Variants in PROKR2 observed in about 807,000 individuals in gnomAD.
PROKR2 encodes prokineticin receptor 2.
A neutral mutation model predicts 23.4 loss-of-function variants in PROKR2; 26 were observed. The ratio of observed to expected loss-of-function variants is 1.11; its 90% CI spans 0.81 to 1.54. The LOEUF (loss-of-function observed/expected upper bound fraction) is 1.54. Among genes scored for constraint, PROKR2 ranks in the 40% most tolerant of loss-of-function variants. The pLI is 0.00. For missense variants in PROKR2, 453 were observed against 511.5 expected, an observed-to-expected ratio of 0.89 and a Z score of 1.10; for synonymous variants, 212 against 201.2, an observed-to-expected ratio of 1.05 and a Z score of -0.45.
intron 2 of PROKR2, among the ~76,000 whole-genome samples, chr20:5,313,589 G>A (rs937733119): frequency 6.6e-6 from 1 of 152,256 alleles, no homozygotes; most frequent in Non-Finnish European, 1.5e-5. Flanking sequence ...AGCTGCCCTA[G>A]TTAACTCTCA....
chr20:5,302,033 C>T lies in PROKR2; in HGVS notation c.*7G>A. On this transcript the variant is annotated 3_prime_UTR_variant, in exon 3 of 3. Transcript: ENST00000678254. ...ACTGGGGTTTTCAATTGTGTGACAC[C>T]AGTGGGTCACTTCAGCCTGATACAG... is the stretch of plus-strand genomic sequence containing the variant. 6.2e-7 allele frequency: 1 copy of T among 1,612,654 alleles called. No individual in the cohort carries two copies. Among genetic ancestry groups the T allele is most frequent in the Non-Finnish European group, 8.5e-7 (1 of 1,178,920 alleles).
At position 5,316,666 on chromosome 20, in the gene PROKR2, C is replaced by T. The variant is rs1979692562; in HGVS notation, c.-181G>A. ...CTTTTTTCCTCGCCCCGGCGGGCTC[C>T]TCCGGCGTGTCAGGGTCTCTGGGTT... is the stretch of plus-strand genomic sequence containing the variant. On this transcript the variant is annotated 5_prime_UTR_variant, in exon 1 of 3. Transcript: ENST00000678254. The surrounding 1 kb of genome is among the most constrained non-coding windows in gnomAD (Gnocchi z 5.0). Among the ~76,000 whole-genome samples, 1 of 152,234 alleles carries T rather than the reference C, an allele frequency of 6.6e-6. No individual in the cohort carries two copies. The highest frequency in any genetic ancestry group is 2.1e-4 in the South Asian group (1 of 4,834).
chr20:5,309,031 C>T (rs1303475662), intron 2 of PROKR2, among the ~76,000 whole-genome samples: 3 of 152,136 alleles, frequency 2.0e-5, no homozygotes, highest in Non-Finnish European at 4.4e-5. Context: ...TATTAATATG[C>T]ACAGTGGTTG....
rs1979663849 is a variant in PROKR2, at chr20:5,316,151, C to T, written c.-9+343G>A. The T allele has an allele frequency of 2.2e-6, 1 of 456,720 alleles. No individual in the cohort carries two copies. Among genetic ancestry groups the T allele is most frequent in the Non-Finnish European group, 4.4e-6 (1 of 226,956 alleles). 28.3% of individuals were successfully genotyped at this position (456,720 alleles called of 1,614,324 possible). ...GTGCGCGGGAATTTCCCCACGGACG[C>T]TTGCTGTTTCCTGCTCACCTTTCAG... On this transcript the variant is annotated intron_variant, in intron 1 of 2. Coordinates refer to ENST00000678254, the MANE Select transcript of PROKR2 (RefSeq NM_144773.4). This position sits in a 1 kb window ranked among gnomAD's most constrained non-coding sequence, Gnocchi z 5.0.
Position 5,316,827 on chromosome 20 carries a change from C to T in PROKR2, c.-342G>A, listed in dbSNP as rs965889897. ...GCCAAGGGTGGATGCCCAGCTCCCCCACCCCACCGCGTGCTCTCGGGCTGG... is the reference window on the plus strand; with the variant it reads ...GCCAAGGGTGGATGCCCAGCTCCCCTACCCCACCGCGTGCTCTCGGGCTGG... On this transcript the variant is annotated 5_prime_UTR_variant, in exon 1 of 3. Transcript: ENST00000678254. This position sits in a 1 kb window ranked among gnomAD's most constrained non-coding sequence, Gnocchi z 5.0. 6.6e-6 allele frequency among the ~76,000 whole-genome samples: 1 copy of T among 152,246 alleles called. No homozygotes were observed. Among genetic ancestry groups the T allele is most frequent in the Non-Finnish European group, 1.5e-5 (1 of 68,044 alleles).
Position 5,316,446 on chromosome 20 carries a change from C to A in PROKR2, c.-9+48G>T. ...CAGAGGCCCTTGTCCTAGCGACTCC[C>A]CCACCGCACCGACTGAGTCCCGGGA... On this transcript the variant is annotated intron_variant, in intron 1 of 2. Transcript: ENST00000678254. The surrounding 1 kb of genome is among the most constrained non-coding windows in gnomAD (Gnocchi z 5.0). 1 of 449,562 alleles carries A rather than the reference C, an allele frequency of 2.2e-6. No homozygotes were observed. Among genetic ancestry groups the A allele is most frequent in the Non-Finnish European group, 4.5e-6 (1 of 223,244 alleles). 27.8% of individuals were successfully genotyped at this position (449,562 alleles called of 1,614,324 possible). A position where few individuals can be genotyped will look rare whatever the true frequency, so the allele number is the denominator to read the frequency against.
chr20:5,311,155 G>A (rs1287265561), intron 2 of PROKR2, among the ~76,000 whole-genome samples: 4 of 152,160 alleles, frequency 2.6e-5, no homozygotes, highest in African/African-American at 4.8e-5. Flanking sequence ...AGGAGCCCCC[G>A]GGGAGTGAAA....
In PROKR2 at chr20:5,316,503, C is replaced by A. The variant is rs370267893; in HGVS notation, c.-18G>T. ...GGATCTAAGCCCTTACCTGTCTCGGCGCCTCCTTTCTGTGCGCTCTGCTGC... is the reference window on the plus strand; with the variant it reads ...GGATCTAAGCCCTTACCTGTCTCGGAGCCTCCTTTCTGTGCGCTCTGCTGC... On this transcript the variant is annotated 5_prime_UTR_variant, in exon 1 of 3. Coordinates refer to ENST00000678254, the MANE Select transcript of PROKR2 (RefSeq NM_144773.4). The surrounding 1 kb of genome is among the most constrained non-coding windows in gnomAD (Gnocchi z 5.0). 23 of 374,592 alleles carry A rather than the reference C, an allele frequency of 6.1e-5. No individual in the cohort carries two copies. The highest frequency in any genetic ancestry group is 4.4e-4 in the African/African-American group (21 of 47,592). 23.2% of individuals were successfully genotyped at this position (374,592 alleles called of 1,614,324 possible).
chr20:5,313,020 C>T (rs150044834), intron 2 of PROKR2, among the ~76,000 whole-genome samples: 63 of 152,072 alleles, frequency 4.1e-4, no homozygotes, highest in African/African-American at 1.4e-3. Context: ...TGAATGTTTC[C>T]AACACAAAGA....
At chr20:5,315,343 G>A (rs1182018254) in intron 1 of PROKR2, among the ~76,000 whole-genome samples, 1 of 152,142 alleles carries the variant, frequency 6.6e-6, no homozygotes, top group African/African-American at 2.4e-5. Flanking sequence ...TGCCTGAAAG[G>A]CACCATGTCC....
Position 5,314,360 on chromosome 20 carries a change from G to A in PROKR2, c.10C>T (p.Gln4Ter). The A allele has an allele frequency of 3.7e-6, 6 of 1,613,940 alleles. No individual in the cohort carries two copies. Among genetic ancestry groups the A allele is most frequent in the Non-Finnish European group, 2.5e-6 (3 of 1,180,026 alleles). ...GGTGTGAAACTGGTGTTTCCATTCT[G>A]GGCTGCCATGGTGATGTCTGCAAGA... The part of the protein sequence containing the change: MAA[Q>*]NGNTSFTPNF... The change falls in exon 2 of 3, where the codon CAG becomes TAG. Residue 4 changes from glutamine (Q) to a stop codon, truncating the protein, a stop_gained. Transcript: ENST00000678254. LOFTEE classifies it high-confidence loss of function.
In PROKR2 at chr20:5,302,565, C is replaced by T; in HGVS notation, c.630G>A (p.Gln210=). Reference sequence around the variant, plus strand: ...AGAGCTGCTGATCCACAGGCCAGATCTGGCCACAGAAGATCTTCTCCTGGC... The same window carrying T: ...AGAGCTGCTGATCCACAGGCCAGATTTGGCCACAGAAGATCTTCTCCTGGC... ...VKSQEKIFCG[Q]IWPVDQQLYY... is the part of the protein sequence containing the mutation. Residue 210 remains glutamine (Q), a synonymous_variant, in exon 3 of 3, where the codon CAG becomes CAA. Transcript: ENST00000678254. The T allele has an allele frequency of 3.7e-6, 6 of 1,614,222 alleles. No individual in the cohort carries two copies. Among genetic ancestry groups the T allele is most frequent in the Non-Finnish European group, 5.1e-6 (6 of 1,180,036 alleles).
At chr20:5,312,045 C>A (rs1304931943) in intron 2 of PROKR2, among the ~76,000 whole-genome samples, 3 of 152,180 alleles carry the variant, frequency 2.0e-5, no homozygotes, top group Non-Finnish European at 4.4e-5. Flanking sequence ...GATAAAAATG[C>A]AGATTCCTGG....
At chr20:5,315,124 A>G (rs6053299) in intron 1 of PROKR2, among the ~76,000 whole-genome samples, 79,729 of 150,410 alleles carry the variant, frequency 0.53, 21,726 homozygotes, top group African/African-American at 0.68. Flanking sequence ...AGTGGGGGCT[A>G]GACAGACATC....
At chr20:5,311,575 A>T (rs116831301) in intron 2 of PROKR2, among the ~76,000 whole-genome samples, 1,953 of 152,328 alleles carry the variant, frequency 0.013, 47 homozygotes, top group African/African-American at 0.044. Context: ...ATTGATTGTC[A>T]ACTTGATTGG....
Position 5,313,899 on chromosome 20 carries a change from C to T in PROKR2, c.458+13G>A. The T allele has an allele frequency of 6.2e-7, 1 of 1,611,406 alleles. No individual in the cohort carries two copies. Among genetic ancestry groups the T allele is most frequent in the South Asian group, 1.1e-5 (1 of 90,918 alleles). ...GGCCCAGCCCCACCACTCACCCCAC[C>T]CACCATCCTCACCTGTCAATGGCAA... On this transcript the variant is annotated intron_variant, in intron 2 of 2. Coordinates refer to ENST00000678254, the MANE Select transcript of PROKR2 (RefSeq NM_144773.4).
Position 5,302,031 on chromosome 20 carries a change from A to G in PROKR2, c.*9T>C. 1.2e-6 allele frequency: 2 copies of G among 1,612,250 alleles called. No homozygotes were observed. Among genetic ancestry groups the G allele is most frequent in the Non-Finnish European group, 1.7e-6 (2 of 1,178,530 alleles). On this transcript the variant is annotated 3_prime_UTR_variant, in exon 3 of 3. Transcript: ENST00000678254. ...GGACTGGGGTTTTCAATTGTGTGAC[A>G]CCAGTGGGTCACTTCAGCCTGATAC...
intron 2 of PROKR2, among the ~76,000 whole-genome samples, chr20:5,311,969 T>G (rs547601515): frequency 7.2e-5 from 11 of 152,300 alleles, no homozygotes; most frequent in African/African-American, 2.6e-4. Context: ...ATTAGTTCTG[T>G]CCCTCTAGAG....
In PROKR2 at chr20:5,305,931, G is replaced by A. The variant is rs573699876; in HGVS notation, c.459-3195C>T. 1.1e-4 allele frequency among the ~76,000 whole-genome samples: 17 copies of A among 152,242 alleles called. No homozygotes were observed. In the East Asian group the frequency reaches 2.5e-3, roughly 22 times the overall value. On this transcript the variant is annotated intron_variant, in intron 2 of 2. Coordinates refer to ENST00000678254, the MANE Select transcript of PROKR2 (RefSeq NM_144773.4). ...ATGGGGGAGAGATTTATTACAACAA[G>A]TTCTAATTCCAGAACAATTATATAG...
Sources: gnomAD v4.1 joint callset for allele counts (sites outside exome capture counted in the v4.1 genomes callset) on GRCh38, gnomAD v4.1.1 for gene constraint, Gnocchi (gnomAD v3.1) non-coding constraint, MANE v1.5 for transcripts, NCBI Gene and HGNC (gene_info 2026-07-23, HGNC 2026-07-21) for gene names.